ZNF423: variants seen among roughly 807,000 people sequenced by gnomAD.
ZNF423 encodes zinc finger protein 423.
ZNF423 carries 12 observed loss-of-function variants against 95.8 expected under a neutral mutation model. The ratio of observed to expected loss-of-function variants is 0.13; its 90% confidence interval spans 0.08 to 0.20. The LOEUF is 0.20. Ranked by LOEUF, ZNF423 falls within the 10% of genes least tolerant of loss-of-function variation. The probability of loss-of-function intolerance (pLI) is 1.00; values close to 1 mark genes in which losing one functional copy is unlikely to be tolerated. For missense variants in ZNF423, 1,316 were observed against 1,737.1 expected, an observed-to-expected ratio of 0.76 and a Z score of 4.31; for synonymous variants, 749 against 711.9, an observed-to-expected ratio of 1.05 and a Z score of -0.83.
At chr16:49,554,612 C>T (rs1969759770) in intron 5 of ZNF423, among the ~76,000 whole-genome samples, 1 of 151,798 alleles carries the variant, frequency 6.6e-6, no homozygotes, top group South Asian at 2.1e-4. Flanking sequence ...CATTAATAGG[C>T]CCCTATGGTA....
chr16:49,855,430 C>T lies in ZNF423; in HGVS notation c.40+305G>A, dbSNP rs11076504. Reference sequence around the variant, plus strand: ...CGCACGGAGGGAGCGGCAAGGGCCCCTTAGCGGCGCCCCCAGGCCTGGGTC... The same window carrying T: ...CGCACGGAGGGAGCGGCAAGGGCCCTTTAGCGGCGCCCCCAGGCCTGGGTC... On this transcript the variant is annotated intron_variant, in intron 1 of 7. Coordinates refer to ENST00000563137, the MANE Select transcript of ZNF423 (RefSeq NM_001379286.1). The surrounding 1 kb of genome is among the most constrained non-coding windows in gnomAD (Gnocchi z 4.7). 0.72 allele frequency among the ~76,000 whole-genome samples: 106,993 copies of T among 149,158 alleles called. 39,421 individuals carry two copies. Among genetic ancestry groups the T allele is most frequent in the East Asian group, 0.93 (4,467 of 4,828 alleles).
intron 2 of ZNF423, among the ~76,000 whole-genome samples, chr16:49,778,651 G>A (rs11076498): frequency 0.17 from 25,716 of 152,152 alleles, 2,253 homozygotes; most frequent in South Asian, 0.26. Context: ...AAGGTGAAGC[G>A]GATTGCCCCA....
At chr16:49,646,195 G>A (rs1277293968) in intron 3 of ZNF423, among the ~76,000 whole-genome samples, 2 of 152,210 alleles carry the variant, frequency 1.3e-5, no homozygotes, top group East Asian at 3.9e-4. Context: ...GGGGTAATAA[G>A]AGCTGCAAGA....
intron 5 of ZNF423, among the ~76,000 whole-genome samples, chr16:49,601,326 C>T (rs1971366000): frequency 6.6e-6 from 1 of 152,196 alleles, no homozygotes; most frequent in Admixed American, 6.5e-5. Context: ...ATTTCCCCAT[C>T]TACAAATGGA....
At chr16:49,639,265 G>C (rs1972884813) in intron 3 of ZNF423, among the ~76,000 whole-genome samples, 1 of 152,110 alleles carries the variant, frequency 6.6e-6, no homozygotes, top group Non-Finnish European at 1.5e-5. Context: ...GACAAGTCCT[G>C]TCACTTGATC....
At chr16:49,857,329 G>C (rs2035382209), upstream of ZNF423, among the ~76,000 whole-genome samples, 1 of 149,974 alleles carries the variant, frequency 6.7e-6, no homozygotes, top group Admixed American at 6.6e-5. This position sits in a 1 kb window ranked among gnomAD's most constrained non-coding sequence, Gnocchi z 6.2. Context: ...GGCGGCGGCA[G>C]GCACGGCGCG....
intron 5 of ZNF423, among the ~76,000 whole-genome samples, chr16:49,609,984 A>C (rs1971671396): frequency 6.6e-6 from 1 of 152,226 alleles, no homozygotes; most frequent in African/African-American, 2.4e-5. Context: ...TTCAAATGAC[A>C]GCAGATTTCT....
intron 5 of ZNF423, among the ~76,000 whole-genome samples, chr16:49,572,018 G>A (rs1033309590): frequency 6.6e-6 from 1 of 152,126 alleles, no homozygotes; most frequent in African/African-American, 2.4e-5. Context: ...GTACTAAGGG[G>A]CAAACAACAT....
intron 2 of ZNF423, among the ~76,000 whole-genome samples, chr16:49,786,294 AG>A (rs34155830): frequency 2.6e-5 from 4 of 152,228 alleles, no homozygotes; most frequent in Non-Finnish European, 5.9e-5. Flanking sequence ...GGAGGGCCAC[AG>A]GGTCCCCACT....
intron 5 of ZNF423, among the ~76,000 whole-genome samples, chr16:49,551,442 G>A (rs1380954385): frequency 2.0e-5 from 3 of 152,050 alleles, no homozygotes; most frequent in Admixed American, 6.6e-5. Context: ...CCCAGGATAC[G>A]GTCTTTTTAT....
intron 3 of ZNF423, among the ~76,000 whole-genome samples, chr16:49,701,130 C>A (rs2032166576): frequency 6.6e-6 from 1 of 152,234 alleles, no homozygotes; most frequent in Admixed American, 6.5e-5. Context: ...TAAATTAACC[C>A]TAAGGCTTAA....
At position 49,573,800 on chromosome 16, in the gene ZNF423, T is replaced by C. The variant is rs566249000; in HGVS notation, c.3602-48306A>G. Among the ~76,000 whole-genome samples, 3 of 152,356 alleles carry C rather than the reference T, an allele frequency of 2.0e-5. No homozygotes were observed. The South Asian group carries it at 6.2e-4, about 32-fold the overall frequency. ...AAGATCTGGAATCAAGAGACCCAGC[T>C]GATTACCAATTCCAGTTTTGCTCTG... On this transcript the variant is annotated intron_variant, in intron 5 of 7. Transcript: ENST00000563137.
At chr16:49,787,697 C>A (rs1407903249) in intron 2 of ZNF423, among the ~76,000 whole-genome samples, 1 of 152,164 alleles carries the variant, frequency 6.6e-6, no homozygotes, top group African/African-American at 2.4e-5. Flanking sequence ...GGGTGCTTGA[C>A]ACCCCCCCTG....
At chr16:49,610,485 A>T (rs1971687417) in intron 5 of ZNF423, among the ~76,000 whole-genome samples, 2 of 152,286 alleles carry the variant, frequency 1.3e-5, no homozygotes, top group Middle Eastern at 3.4e-3. Flanking sequence ...TTGATAAGTT[A>T]TGTGTATATA....
intron 2 of ZNF423, among the ~76,000 whole-genome samples, chr16:49,735,760 G>A (rs1393418109): frequency 6.6e-6 from 1 of 152,164 alleles, no homozygotes; most frequent in Non-Finnish European, 1.5e-5. Flanking sequence ...CCAGCTTCCA[G>A]CACCGACTTC....
intron 3 of ZNF423, among the ~76,000 whole-genome samples, chr16:49,643,765 G>A (rs1335691043): frequency 6.6e-6 from 1 of 151,976 alleles, no homozygotes; most frequent in African/African-American, 2.4e-5. Context: ...ATAGGAAATG[G>A]GTTATATGAG....
chr16:49,632,966 G>A (rs548498894), intron 4 of ZNF423, among the ~76,000 whole-genome samples: 29 of 152,304 alleles, frequency 1.9e-4, no homozygotes, highest in African/African-American at 6.7e-4. Context: ...CAGTGACCCA[G>A]CCCAGCTGCA....
chr16:49,571,265 A>G (rs1460939232), intron 5 of ZNF423, among the ~76,000 whole-genome samples: 1 of 152,134 alleles, frequency 6.6e-6, no homozygotes, highest in East Asian at 1.9e-4. Flanking sequence ...TTTACTGTGC[A>G]TAAAGCCTCA....
chr16:49,694,518 T>A (rs1165501200), intron 3 of ZNF423, among the ~76,000 whole-genome samples: 1 of 152,226 alleles, frequency 6.6e-6, no homozygotes, highest in East Asian at 1.9e-4. Flanking sequence ...CCTCTGCTCA[T>A]CTGCAAGCAG....
Sources: allele counts gnomAD v4.1 joint callset (sites outside exome capture counted in the v4.1 genomes callset), GRCh38; gene constraint gnomAD v4.1.1; non-coding constraint Gnocchi (gnomAD v3.1); transcripts MANE v1.5; gene names NCBI Gene and HGNC (gene_info 2026-07-23, HGNC 2026-07-21).